Variants in NELL1 observed in about 807,000 individuals in gnomAD.
The protein encoded by NELL1 is neural EGFL like 1.
In NELL1, 76 loss-of-function variants were observed where a neutral mutation model predicts 107.4. That is an observed-to-expected ratio of 0.71 (90% CI 0.59 to 0.86). NELL1 has a LOEUF of 0.86. Ranked by LOEUF, NELL1 falls within the 40% of genes least tolerant of loss-of-function variation. The pLI is 0.00. For synonymous variants in NELL1, 353 were observed against 341.2 expected (o/e 1.03, Z -0.38); for missense variants, 1,024 against 1,005.5 (o/e 1.02, Z -0.25).
chr11:21,431,719 C>A (rs903839555), intron 15 of NELL1, among the ~76,000 whole-genome samples: 2 of 152,162 alleles, frequency 1.3e-5, no homozygotes, highest in Admixed American at 1.3e-4. Flanking sequence ...TCATCCCATT[C>A]CTTGAGTGGC....
intron 14 of NELL1, among the ~76,000 whole-genome samples, chr11:21,331,564 T>C (rs1850273359): frequency 6.6e-6 from 1 of 152,122 alleles, no homozygotes; most frequent in Non-Finnish European, 1.5e-5. Flanking sequence ...GCTGGTAAAC[T>C]GCCTGACTCT....
chr11:20,727,039 T>C (rs1314728684), intron 2 of NELL1, among the ~76,000 whole-genome samples: 3 of 152,244 alleles, frequency 2.0e-5, no homozygotes, highest in Non-Finnish European at 4.4e-5. Flanking sequence ...CTATTGTGAA[T>C]AGTGCCGCAA....
At chr11:20,834,631 A>T (rs1439558008) in intron 3 of NELL1, among the ~76,000 whole-genome samples, 1 of 151,770 alleles carries the variant, frequency 6.6e-6, no homozygotes, top group Non-Finnish European at 1.5e-5. Flanking sequence ...TGAACCCAGG[A>T]GGCAGAGTTT....
At chr11:21,530,089 G>A (rs1855956844) in intron 15 of NELL1, among the ~76,000 whole-genome samples, 1 of 152,078 alleles carries the variant, frequency 6.6e-6, no homozygotes, top group Non-Finnish European at 1.5e-5. Flanking sequence ...CTTAGTATAT[G>A]GGGCAAATGT....
chr11:21,528,215 T>A (rs1206493728), intron 15 of NELL1, among the ~76,000 whole-genome samples: 1 of 152,202 alleles, frequency 6.6e-6, no homozygotes, highest in Non-Finnish European at 1.5e-5. Flanking sequence ...TTTAGATTGA[T>A]CTCATTCAAT....
intron 15 of NELL1, among the ~76,000 whole-genome samples, chr11:21,436,202 G>A (rs576698134): frequency 3.3e-5 from 5 of 152,148 alleles, no homozygotes; most frequent in Admixed American, 2.6e-4. Context: ...CTACAGGTGT[G>A]CGCCACCACG....
intron 12 of NELL1, among the ~76,000 whole-genome samples, chr11:21,013,961 A>AT (rs1293639044): frequency 6.6e-6 from 1 of 151,854 alleles, no homozygotes; most frequent in Non-Finnish European, 1.5e-5. Flanking sequence ...GATTTGTCTG[A>AT]TTTTTTTCTT....
chr11:20,804,808 T>C (rs1415780067), intron 3 of NELL1, among the ~76,000 whole-genome samples: 2 of 152,204 alleles, frequency 1.3e-5, no homozygotes, highest in Non-Finnish European at 2.9e-5. Flanking sequence ...ATTTGGTCTA[T>C]AGAGCAGACT....
chr11:20,756,564 T>C (rs997173730), intron 2 of NELL1, among the ~76,000 whole-genome samples: 1 of 142,774 alleles, frequency 7.0e-6, no homozygotes, highest in African/African-American at 2.6e-5. Flanking sequence ...GGTTTCACCA[T>C]GCTAGCCAGG....
intron 14 of NELL1, among the ~76,000 whole-genome samples, chr11:21,261,515 T>C (rs1220621026): frequency 1.3e-5 from 2 of 151,450 alleles, no homozygotes; most frequent in African/African-American, 4.8e-5. Flanking sequence ...ACTGTTCAAA[T>C]TGCATATATT....
chr11:21,252,033 C>T (rs1481987481), intron 14 of NELL1, among the ~76,000 whole-genome samples: 1 of 152,110 alleles, frequency 6.6e-6, no homozygotes, highest in African/African-American at 2.4e-5. Flanking sequence ...TGTTTACACG[C>T]AAGACTGTGT....
At chr11:20,772,173 C>T (rs1856653213) in intron 2 of NELL1, among the ~76,000 whole-genome samples, 1 of 152,090 alleles carries the variant, frequency 6.6e-6, no homozygotes, top group Admixed American at 6.5e-5. Flanking sequence ...ATTAGATCAG[C>T]CCACCAAACT....
At chr11:21,269,786 C>T (rs534040937) in intron 14 of NELL1, among the ~76,000 whole-genome samples, 1 of 152,184 alleles carries the variant, frequency 6.6e-6, no homozygotes, top group African/African-American at 2.4e-5. Flanking sequence ...AAAATTAAAA[C>T]TTTTCCCTTA....
intron 11 of NELL1, among the ~76,000 whole-genome samples, chr11:20,955,202 T>C (rs929725746): frequency 2.0e-5 from 3 of 152,340 alleles, no homozygotes; most frequent in Admixed American, 6.5e-5. Context: ...CAAGCCCTTA[T>C]AGAAGTGTTG....
At chr11:20,960,396 C>T (rs1280869850) in intron 11 of NELL1, 36 bp from the exon 12 acceptor site, 9 of 1,605,514 alleles carry the variant, frequency 5.6e-6, no homozygotes, top group Non-Finnish European at 7.7e-6. Context: ...TTTATTTCCT[C>T]CTTTTCTGAT....
chr11:21,450,490 A>C (rs1443785717), intron 15 of NELL1, among the ~76,000 whole-genome samples: 2 of 152,256 alleles, frequency 1.3e-5, no homozygotes, highest in African/African-American at 2.4e-5. Context: ...AACGTTGTAT[A>C]ATTGATACGC....
chr11:21,475,048 A>G (rs1343005201), intron 15 of NELL1, among the ~76,000 whole-genome samples: 2 of 152,172 alleles, frequency 1.3e-5, no homozygotes, highest in African/African-American at 4.8e-5. Context: ...GTGAGTCTCC[A>G]TACTCTTTCT....
At chr11:20,945,444 C>T (rs1208487329) in intron 10 of NELL1, among the ~76,000 whole-genome samples, 1 of 152,166 alleles carries the variant, frequency 6.6e-6, no homozygotes, top group Non-Finnish European at 1.5e-5. Flanking sequence ...GCTCCATTGC[C>T]CAAGGGCAGT....
chr11:21,068,727 A>G (rs1250480732), intron 12 of NELL1, among the ~76,000 whole-genome samples: 1 of 152,188 alleles, frequency 6.6e-6, no homozygotes, highest in African/African-American at 2.4e-5. Context: ...TCAGGATCCC[A>G]AGTGCCTCCA....
Sources: gnomAD v4.1 joint callset for allele counts (sites outside exome capture counted in the v4.1 genomes callset) on GRCh38, gnomAD v4.1.1 for gene constraint, MANE v1.5 for transcripts, NCBI Gene and HGNC (gene_info 2026-07-23, HGNC 2026-07-21) for gene names.